CRK: variants seen among roughly 807,000 people sequenced by gnomAD.
CRK encodes adapter molecule crk.
CRK carries 4 observed loss-of-function variants against 29.8 expected under a neutral mutation model. That is an observed-to-expected ratio of 0.13 (90% CI 0.07 to 0.31). The LOEUF is 0.31. Ranked by LOEUF, CRK falls within the 10% of genes least tolerant of loss-of-function variation. CRK has a pLI of 1.00. For missense variants in CRK, 274 were observed against 396.5 expected (o/e 0.69, Z 2.62); for synonymous variants, 153 against 164.9 (o/e 0.93, Z 0.55).
chr17:1,453,851 T>C (rs998643763), intron 1 of CRK, among the ~76,000 whole-genome samples: 5 of 151,956 alleles, frequency 3.3e-5, no homozygotes, highest in South Asian at 2.1e-4. Context: ...GAGATTGCAG[T>C]GAGCTGAGAT....
At chr17:1,452,703 T>C (rs539876228) in intron 1 of CRK, among the ~76,000 whole-genome samples, 5 of 151,960 alleles carry the variant, frequency 3.3e-5, no homozygotes, top group East Asian at 1.9e-4. Flanking sequence ...GGCAGGAGAA[T>C]TGATTAAACC....
Position 1,436,730 on chromosome 17 carries a change from G to C in CRK, c.667C>G (p.Gln223Glu). ...LGGPEPGPYA[Q>E]PSVNTPLPNL... ...GGGAGCGGAGTGTTGACGCTGGGTTGGGCATAGGGCCCAGGCTCCGGCCCA... is the reference window on the plus strand; with the variant it reads ...GGGAGCGGAGTGTTGACGCTGGGTTCGGCATAGGGCCCAGGCTCCGGCCCA... Residue 223 changes from glutamine (Q) to glutamate (E), a missense_variant, in exon 2 of 3, where the codon CAA (glutamine) becomes GAA (glutamate). Coordinates refer to ENST00000300574, the MANE Select transcript of CRK (RefSeq NM_016823.4). 6.2e-7 allele frequency: 1 copy of C among 1,604,214 alleles called. No homozygotes were observed. The highest frequency in any genetic ancestry group is 8.5e-7 in the Non-Finnish European group (1 of 1,176,080).
Position 1,451,165 on chromosome 17 carries a change from C to T in CRK, c.241+4712G>A, listed in dbSNP as rs2074014580. Reference sequence around the variant, plus strand: ...CCGAGGTCGTGCCACTATACTCCAGCCTCGGTGACAGAGCGAGAAACTGTC... The same window carrying T: ...CCGAGGTCGTGCCACTATACTCCAGTCTCGGTGACAGAGCGAGAAACTGTC... On this transcript the variant is annotated intron_variant, in intron 1 of 2. Coordinates refer to ENST00000300574, the MANE Select transcript of CRK (RefSeq NM_016823.4). Among the ~76,000 whole-genome samples, 3 of 119,410 alleles carry T rather than the reference C, an allele frequency of 2.5e-5. No individual in the cohort carries two copies. In the Admixed American group the frequency reaches 3.6e-4, roughly 14 times the overall value. The allele number at this position is 119,410 out of a possible 152,430, so 78.3% of individuals were successfully genotyped here.
chr17:1,442,023 T>TAA (rs1568017432), intron 1 of CRK, among the ~76,000 whole-genome samples: 2,093 of 151,914 alleles, frequency 0.014, 46 homozygotes, highest in African/African-American at 0.047. Flanking sequence ...GCCTGTATTT[T>TAA]TTTTTGTATT....
chr17:1,421,754 G>A lies in CRK; in HGVS notation c.*1759C>T, dbSNP rs570101189. 4 of 152,230 alleles carry A rather than the reference G, an allele frequency of 2.6e-5. No individual in the cohort carries two copies. The highest frequency in any genetic ancestry group is 9.6e-5 in the African/African-American group (4 of 41,546). The allele number at this position is 152,230 out of a possible 1,614,324, so 9.4% of individuals were successfully genotyped here. On this transcript the variant is annotated 3_prime_UTR_variant, in exon 3 of 3. Coordinates refer to ENST00000300574, the MANE Select transcript of CRK (RefSeq NM_016823.4). ...CACTCGGACACCACAATCTGGTATAGGTTCAAAGAATGTAAATTTATCATT... is the reference window on the plus strand; with the variant it reads ...CACTCGGACACCACAATCTGGTATAAGTTCAAAGAATGTAAATTTATCATT...
Position 1,435,675 on chromosome 17 carries a change from G to A in CRK, c.777+945C>T, listed in dbSNP as rs1305936698. Among the ~76,000 whole-genome samples the A allele has an allele frequency of 2.6e-5, 4 of 151,760 alleles. No individual in the cohort carries two copies. In the East Asian group the frequency reaches 7.7e-4, roughly 29 times the overall value. The stretch of plus-strand genomic sequence containing the variant: ...CAGGACTGCAGGTGCATGCCACCAC[G>A]CCTGGTGATTTTTTTTTTTCACTTT... On this transcript the variant is annotated intron_variant, in intron 2 of 2. Coordinates refer to ENST00000300574, the MANE Select transcript of CRK (RefSeq NM_016823.4).
At chr17:1,425,900 T>C (rs2073775050) in intron 2 of CRK, among the ~76,000 whole-genome samples, 1 of 151,958 alleles carries the variant, frequency 6.6e-6, no homozygotes, top group Non-Finnish European at 1.5e-5. Context: ...GAGAAAAAAA[T>C]AGCAGCAGGC....
chr17:1,445,523 A>G (rs1223459006), intron 1 of CRK, among the ~76,000 whole-genome samples: 1 of 152,184 alleles, frequency 6.6e-6, no homozygotes, highest in African/African-American at 2.4e-5. Context: ...TTTGGTTATG[A>G]CTGTAGCAGA....
At position 1,436,505 on chromosome 17, in the gene CRK, G is replaced by T. The variant is rs980612497; in HGVS notation, c.777+115C>A. 7.8e-6 allele frequency: 9 copies of T among 1,149,774 alleles called. No individual in the cohort carries two copies. In the Admixed American group the frequency reaches 1.2e-4, roughly 15 times the overall value. 71.2% of individuals were successfully genotyped at this position (1,149,774 alleles called of 1,614,324 possible). A position where few individuals can be genotyped will look rare whatever the true frequency, so the allele number is the denominator to read the frequency against. The stretch of plus-strand genomic sequence containing the variant: ...TTCAATGCCAACATCAGTGCTTAGC[G>T]GCTTGCCATCTACAACATCCCAATG... On this transcript the variant is annotated intron_variant, in intron 2 of 2. Transcript: ENST00000300574.
intron 2 of CRK, among the ~76,000 whole-genome samples, chr17:1,425,104 T>G (rs1488208955): frequency 1.3e-5 from 2 of 152,024 alleles, no homozygotes; most frequent in Non-Finnish European, 2.9e-5. Flanking sequence ...TTGTTTGTTT[T>G]TTTAAGACAG....
intron 2 of CRK, among the ~76,000 whole-genome samples, chr17:1,425,265 ATT>A (rs1365531530): frequency 6.6e-6 from 1 of 150,944 alleles, no homozygotes; most frequent in Non-Finnish European, 1.5e-5. Context: ...AATTTTTTGT[ATT>A]TTGTTTAGTA....
intron 1 of CRK, among the ~76,000 whole-genome samples, chr17:1,451,659 T>G (rs1268593657): frequency 6.6e-6 from 1 of 151,946 alleles, no homozygotes; most frequent in East Asian, 1.9e-4. Flanking sequence ...AGGGCTGTAG[T>G]GCACTATGAC....
chr17:1,442,212 T>A (rs2073940723), intron 1 of CRK, among the ~76,000 whole-genome samples: 1 of 151,352 alleles, frequency 6.6e-6, no homozygotes, highest in Non-Finnish European at 1.5e-5. Context: ...AGGGGTGCAG[T>A]GGCATAATCT....
At chr17:1,447,129 A>C (rs1293813367) in intron 1 of CRK, among the ~76,000 whole-genome samples, 1 of 145,016 alleles carries the variant, frequency 6.9e-6, no homozygotes, top group African/African-American at 2.6e-5. Context: ...CCCAAACCTC[A>C]CCATGGCTGT....
intron 2 of CRK, among the ~76,000 whole-genome samples, chr17:1,423,919 G>A (rs955697763): frequency 2.0e-5 from 3 of 152,196 alleles, no homozygotes; most frequent in Non-Finnish European, 2.9e-5. Flanking sequence ...ATTAAAAAAG[G>A]AAAGTGATAA....
chr17:1,451,241 CATT>C (rs1264307996), intron 1 of CRK, among the ~76,000 whole-genome samples: 2 of 142,672 alleles, frequency 1.4e-5, no homozygotes, highest in Non-Finnish European at 3.0e-5. Context: ...GCTTCTTCAT[CATT>C]GACTTTAGAT....
intron 1 of CRK, among the ~76,000 whole-genome samples, chr17:1,444,013 T>A (rs78117282): frequency 6.6e-6 from 1 of 151,968 alleles, no homozygotes; most frequent in African/African-American, 2.4e-5. Flanking sequence ...TTTTTTTTTT[T>A]AATAACGGGG....
At position 1,421,713 on chromosome 17, in the gene CRK, C is replaced by T. The variant is rs2073726578; in HGVS notation, c.*1800G>A. ...AAATACGTGCACACTGACTGTGTGT[C>T]AGACAGTGTGCCGGTCACTCGGACA... On this transcript the variant is annotated 3_prime_UTR_variant, in exon 3 of 3. Coordinates refer to ENST00000300574, the MANE Select transcript of CRK (RefSeq NM_016823.4). The T allele has an allele frequency of 6.6e-6, 1 of 152,180 alleles. No homozygotes were observed. Among genetic ancestry groups the T allele is most frequent in the Non-Finnish European group, 1.5e-5 (1 of 68,034 alleles). 9.4% of individuals were successfully genotyped at this position (152,180 alleles called of 1,614,324 possible).
At chr17:1,455,640 C>T (rs946236537) in intron 1 of CRK, among the ~76,000 whole-genome samples, 1 of 151,806 alleles carries the variant, frequency 6.6e-6, no homozygotes, top group Non-Finnish European at 1.5e-5. Flanking sequence ...AAGCAGTTCC[C>T]CTTCCCCGCG....
Sources: allele counts gnomAD v4.1 joint callset (sites outside exome capture counted in the v4.1 genomes callset), GRCh38; gene constraint gnomAD v4.1.1; transcripts MANE v1.5; gene names NCBI Gene and HGNC (gene_info 2026-07-23, HGNC 2026-07-21).